The following TENM4 variants were observed in gnomAD, a reference collection of about 807,000 sequenced individuals.
TENM4 encodes the protein teneurin transmembrane protein 4.
TENM4 carries 82 observed loss-of-function variants against 243.3 expected under a neutral mutation model. The ratio of observed to expected loss-of-function variants is 0.34; its 90% CI spans 0.28 to 0.40. TENM4 has a LOEUF of 0.40. Among genes scored for constraint, TENM4 ranks in the 10% least tolerant of loss-of-function variants. The pLI, the probability that TENM4 is intolerant of heterozygous loss-of-function variation, is 1.00. For synonymous variants in TENM4, 1,412 were observed against 1,456.3 expected (o/e 0.97, Z 0.69); for missense variants, 3,138 against 3,673.3 (o/e 0.85, Z 3.77).
intron 19 of TENM4, among the ~76,000 whole-genome samples, chr11:78,753,417 A>G (rs1856235607): frequency 6.6e-6 from 1 of 152,214 alleles, no homozygotes; most frequent in Non-Finnish European, 1.5e-5. Flanking sequence ...ACTCCCTCAT[A>G]TGAGAGGACA....
chr11:78,998,743 T>C (rs1858239940), intron 6 of TENM4, among the ~76,000 whole-genome samples: 1 of 152,132 alleles, frequency 6.6e-6, no homozygotes, highest in African/African-American at 2.4e-5. Context: ...GGCATTGTCG[T>C]AAAAGTAGTG....
chr11:79,022,809 A>C (rs1858968967), intron 6 of TENM4, among the ~76,000 whole-genome samples: 1 of 152,190 alleles, frequency 6.6e-6, no homozygotes, highest in Non-Finnish European at 1.5e-5. Flanking sequence ...AAGATGATGA[A>C]GATGAAGATG....
chr11:78,778,268 C>G (rs537598036), intron 17 of TENM4, among the ~76,000 whole-genome samples: 1 of 129,544 alleles, frequency 7.7e-6, no homozygotes, highest in Non-Finnish European at 1.5e-5. Flanking sequence ...GGGGCCATAA[C>G]AGATGGGCAG....
At chr11:78,827,177 A>C (rs1313205436) in intron 12 of TENM4, among the ~76,000 whole-genome samples, 1 of 152,238 alleles carries the variant, frequency 6.6e-6, no homozygotes, top group Non-Finnish European at 1.5e-5. Flanking sequence ...ATAAATACAT[A>C]ATTTTTGAAA....
At chr11:79,034,439 C>T (rs1859324669) in intron 6 of TENM4, among the ~76,000 whole-genome samples, 1 of 152,156 alleles carries the variant, frequency 6.6e-6, no homozygotes, top group East Asian at 1.9e-4. Context: ...ACCTCCAGCA[C>T]TCAGAGGCAC....
intron 27 of TENM4, among the ~76,000 whole-genome samples, chr11:78,705,234 G>A (rs1859216319): frequency 1.3e-5 from 2 of 152,172 alleles, no homozygotes; most frequent in Admixed American, 1.3e-4. Context: ...CTGTCGTTAT[G>A]ATGAAAAGAT....
chr11:79,380,894 G>C (rs1311678948), intron 1 of TENM4, among the ~76,000 whole-genome samples: 2 of 152,168 alleles, frequency 1.3e-5, no homozygotes, highest in South Asian at 2.1e-4. Context: ...TGTGTAGTAA[G>C]GCTTGGGGCT....
At chr11:79,267,344 C>A (rs937321440) in intron 2 of TENM4, among the ~76,000 whole-genome samples, 3 of 152,144 alleles carry the variant, frequency 2.0e-5, no homozygotes, top group Non-Finnish European at 4.4e-5. Flanking sequence ...TCTGTGGAGG[C>A]CATTTACCCT....
At chr11:78,871,421 G>A (rs183164288) in intron 9 of TENM4, among the ~76,000 whole-genome samples, 1 of 152,106 alleles carries the variant, frequency 6.6e-6, no homozygotes, top group Non-Finnish European at 1.5e-5. Flanking sequence ...CAGGACCTGG[G>A]GAGTGAGAAG....
intron 12 of TENM4, among the ~76,000 whole-genome samples, chr11:78,836,975 T>G (rs1271448429): frequency 6.6e-6 from 1 of 152,220 alleles, no homozygotes; most frequent in Non-Finnish European, 1.5e-5. Flanking sequence ...TTTGCTCAAC[T>G]CAGATCCTTT....
At chr11:79,044,447 G>T (rs1257094049) in intron 6 of TENM4, among the ~76,000 whole-genome samples, 1 of 152,186 alleles carries the variant, frequency 6.6e-6, no homozygotes. Context: ...ACTGGGTAGG[G>T]AAGATGGTAG....
At chr11:79,375,434 GCT>G (rs1857872368) in intron 1 of TENM4, among the ~76,000 whole-genome samples, 1 of 152,116 alleles carries the variant, frequency 6.6e-6, no homozygotes, top group Non-Finnish European at 1.5e-5. Flanking sequence ...ACTGTGCATA[GCT>G]CTTTATCCTT....
chr11:79,368,172 C>T (rs958144062), intron 1 of TENM4, among the ~76,000 whole-genome samples: 1 of 152,144 alleles, frequency 6.6e-6, no homozygotes, highest in Non-Finnish European at 1.5e-5. Context: ...TCATTGGTCT[C>T]CCACCACAGA....
rs536154721 is a variant in TENM4, at chr11:78,957,303, A to AAACAAC, written c.494-53786_494-53781dup. Among the ~76,000 whole-genome samples, 1,312 of 152,094 alleles carry AAACAAC rather than the reference A, an allele frequency of 8.6e-3. 14 individuals are homozygous for AAACAAC. Among genetic ancestry groups the AAACAAC allele is most frequent in the African/African-American group, 0.029 (1,219 of 41,490 alleles). Reference sequence around the variant, plus strand: ...CATCCAAGTAACTGCAGTTGGCATGAAACAACAACAACAACAACAACAAAA... The same window carrying AAACAAC: ...CATCCAAGTAACTGCAGTTGGCATGAAACAACAACAACAACAACAACAACAACAAAA... On this transcript the variant is annotated intron_variant, in intron 6 of 33. Coordinates refer to ENST00000278550, the MANE Select transcript of TENM4 (RefSeq NM_001098816.3).
chr11:78,818,295 T>C (rs895918995), intron 12 of TENM4, among the ~76,000 whole-genome samples: 1 of 152,248 alleles, frequency 6.6e-6, no homozygotes. Context: ...TAGATTCTGA[T>C]TTCCGGAGTC....
intron 25 of TENM4, among the ~76,000 whole-genome samples, chr11:78,719,315 A>G (rs1319346776): frequency 1.3e-5 from 2 of 152,190 alleles, no homozygotes; most frequent in African/African-American, 4.8e-5. Flanking sequence ...AGAACGCTAT[A>G]GTCCATGTAA....
At chr11:78,826,032 G>A (rs1421070472) in intron 12 of TENM4, among the ~76,000 whole-genome samples, 2 of 146,474 alleles carry the variant, frequency 1.4e-5, no homozygotes, top group African/African-American at 2.5e-5. Context: ...TTGTCACCAA[G>A]CTCTCTACTA....
At chr11:78,965,337 C>G in intron 6 of TENM4, among the ~76,000 whole-genome samples, 1 of 151,976 alleles carries the variant, frequency 6.6e-6, no homozygotes, top group East Asian at 1.9e-4. Context: ...CATGACTCCC[C>G]CTACGGTTCC....
rs1235767616 is a variant in TENM4, at chr11:78,656,549, G to A, written c.*1509C>T. ...GCCTCAGCTTGGGCGTGCTCTTCAG[G>A]TGTGGGCTGTCCCTGCTTCTGAGAG... On this transcript the variant is annotated 3_prime_UTR_variant, in exon 34 of 34. Transcript: ENST00000278550. 6.6e-6 allele frequency: 1 copy of A among 152,640 alleles called. No individual in the cohort carries two copies. Among genetic ancestry groups the A allele is most frequent in the Non-Finnish European group, 1.5e-5 (1 of 68,370 alleles). The allele number at this position is 152,640 out of a possible 1,614,324, so 9.5% of individuals were successfully genotyped here.
Sources: gnomAD v4.1 joint callset for allele counts (sites outside exome capture counted in the v4.1 genomes callset) on GRCh38, gnomAD v4.1.1 for gene constraint, MANE v1.5 for transcripts, NCBI Gene and HGNC (gene_info 2026-07-23, HGNC 2026-07-21) for gene names.